Variants in SSBP3 observed in about 807,000 individuals in gnomAD.
SSBP3 encodes the protein single stranded DNA binding protein 3.
Under a neutral mutation model 69.6 loss-of-function variants are expected in SSBP3, and 5 were observed. The observed-to-expected ratio is 0.07, with a 90% CI of 0.04 to 0.15. SSBP3 has a LOEUF of 0.15. SSBP3 is among the 10% of genes least tolerant of loss of function. SSBP3 has a pLI of 1.00. For synonymous variants in SSBP3, 196 were observed against 193.4 expected, an observed-to-expected ratio of 1.01 and a Z score of -0.11; for missense variants, 312 against 534.0, an observed-to-expected ratio of 0.58 and a Z score of 4.10.
chr1:54,323,716 G>A (rs904640933), intron 4 of SSBP3, among the ~76,000 whole-genome samples: 1 of 152,202 alleles, frequency 6.6e-6, no homozygotes, highest in Non-Finnish European at 1.5e-5. Context: ...CACCTATCTG[G>A]AGGTGGAAAG....
In SSBP3 at chr1:54,239,116, A is replaced by T. The variant is rs1181001843; in HGVS notation, c.927+13T>A. The T allele has an allele frequency of 7.5e-6, 12 of 1,610,176 alleles. No homozygotes were observed. The highest frequency in any genetic ancestry group is 1.0e-5 in the Non-Finnish European group (12 of 1,176,608). ...TGGTGTCTGATATGTAAATTATTAGAAAGCAGACTTACGTTGGACCGGCTG... is the reference window on the plus strand; with the variant it reads ...TGGTGTCTGATATGTAAATTATTAGTAAGCAGACTTACGTTGGACCGGCTG... On this transcript the variant is annotated intron_variant, in intron 14 of 17. Transcript: ENST00000610401.
intron 9 of SSBP3, among the ~76,000 whole-genome samples, chr1:54,248,614 C>CA (rs1221661891): frequency 2.6e-5 from 4 of 152,170 alleles, no homozygotes; most frequent in African/African-American, 4.8e-5. Context: ...CCCTCCACCT[C>CA]AGAGTCCCAA....
At chr1:54,382,298 C>T (rs1043385536) in intron 4 of SSBP3, among the ~76,000 whole-genome samples, 21 of 152,200 alleles carry the variant, frequency 1.4e-4, no homozygotes, top group African/African-American at 5.1e-4. Context: ...TGGTCTTGAA[C>T]TCCTAGGCTC....
chr1:54,243,467 C>A, intron 9 of SSBP3, 168 bp from the exon 10 acceptor site: 1 of 731,184 alleles, frequency 1.4e-6, no homozygotes, highest in Non-Finnish European at 2.3e-6. Context: ...GGAACCAAGT[C>A]ACAGGGACCA....
chr1:54,281,409 A>G (rs1377023124), intron 5 of SSBP3, 29 bp downstream of exon 5: 6 of 1,530,822 alleles, frequency 3.9e-6, no homozygotes, highest in Admixed American at 2.0e-5. Context: ...TACAAGGTGG[A>G]GCACAAGACC....
intron 4 of SSBP3, among the ~76,000 whole-genome samples, chr1:54,343,245 G>A (rs984696626): frequency 6.6e-6 from 1 of 152,132 alleles, no homozygotes; most frequent in African/African-American, 2.4e-5. Flanking sequence ...CAGGTGTTTG[G>A]CATGTGTTCT....
chr1:54,368,230 G>A (rs977269364), intron 4 of SSBP3, among the ~76,000 whole-genome samples: 5 of 150,358 alleles, frequency 3.3e-5, no homozygotes, highest in South Asian at 2.1e-4. Context: ...CCCGGGAGGC[G>A]GAGCTTGCAG....
chr1:54,385,331 C>T (rs1319899953), intron 4 of SSBP3, among the ~76,000 whole-genome samples: 1 of 152,188 alleles, frequency 6.6e-6, no homozygotes, highest in African/African-American at 2.4e-5. Flanking sequence ...CTCACCCCTG[C>T]TCCCCACCAA....
intron 4 of SSBP3, among the ~76,000 whole-genome samples, chr1:54,359,112 C>G (rs146784355): frequency 6.8e-6 from 1 of 147,572 alleles, no homozygotes; most frequent in African/African-American, 2.5e-5. Context: ...CAAAACAGAA[C>G]AGAGGCTATT....
chr1:54,241,329 G>A, intron 12 of SSBP3, 145 bp downstream of exon 12: 2 of 978,692 alleles, frequency 2.0e-6, no homozygotes, highest in Admixed American at 1.8e-5. Context: ...ACAGATGACT[G>A]AATATTGACA....
At chr1:54,287,239 T>A (rs1175993028) in intron 4 of SSBP3, 1 of 152,252 alleles carries the variant, frequency 6.6e-6, no homozygotes. Flanking sequence ...CAACCCCTCC[T>A]GACTGATTTA....
chr1:54,286,142 C>G (rs1303620885), intron 4 of SSBP3, among the ~76,000 whole-genome samples: 1 of 152,106 alleles, frequency 6.6e-6, no homozygotes, highest in Non-Finnish European at 1.5e-5. Context: ...ACCGAGAGAC[C>G]TGTTATCTGA....
At chr1:54,396,648 CCTCT>C (rs1472633797) in intron 4 of SSBP3, among the ~76,000 whole-genome samples, 3 of 152,102 alleles carry the variant, frequency 2.0e-5, no homozygotes, top group African/African-American at 4.8e-5. Context: ...CTCCCAGCTC[CCTCT>C]GAGTGCTGGC....
chr1:54,297,372 G>A (rs761213997), intron 4 of SSBP3, among the ~76,000 whole-genome samples: 4 of 152,242 alleles, frequency 2.6e-5, no homozygotes, highest in Non-Finnish European at 5.9e-5. Flanking sequence ...GCTCACGCCT[G>A]TAATCCCGGC....
chr1:54,239,097 C>T (rs1644557516), intron 14 of SSBP3, 32 bp downstream of exon 14: 2 of 1,575,640 alleles, frequency 1.3e-6, no homozygotes, highest in Admixed American at 1.7e-5. Flanking sequence ...GTTATGGTGT[C>T]TGATATGTAA....
intron 14 of SSBP3, 189 bp downstream of exon 14, chr1:54,238,940 C>CAAAA: frequency 2.5e-6 from 1 of 392,986 alleles, no homozygotes; most frequent in Non-Finnish European, 5.1e-6. Context: ...CCCTTCCTCT[C>CAAAA]CCACCCCCTG....
At chr1:54,291,710 G>T (rs1224766143) in intron 4 of SSBP3, among the ~76,000 whole-genome samples, 2 of 152,174 alleles carry the variant, frequency 1.3e-5, no homozygotes, top group African/African-American at 4.8e-5. Context: ...CTGCTCAGAG[G>T]GTTTAGCAAA....
In SSBP3 at chr1:54,232,741, C is replaced by T. The variant is rs558837544; in HGVS notation, c.928-3915G>A. Among the ~76,000 whole-genome samples, 16 of 152,234 alleles carry T rather than the reference C, an allele frequency of 1.1e-4. No individual in the cohort carries two copies. The South Asian group carries it at 2.5e-3, about 24-fold the overall frequency. The stretch of plus-strand genomic sequence containing the variant: ...CCGAGTGCCTGCGATTGCAGGCACG[C>T]GCCGCCACGCCTGACTGGTTTTGGT... On this transcript the variant is annotated intron_variant, in intron 14 of 17. Coordinates refer to ENST00000610401, the Ensembl canonical transcript of SSBP3.
At chr1:54,363,050 GC>G (rs1438513673) in intron 4 of SSBP3, among the ~76,000 whole-genome samples, 1 of 152,012 alleles carries the variant, frequency 6.6e-6, no homozygotes, top group Admixed American at 6.6e-5. Context: ...AGTCCTCCCA[GC>G]CTCCATCAGT....
Sources: gnomAD v4.1 joint callset for allele counts (sites outside exome capture counted in the v4.1 genomes callset) on GRCh38, gnomAD v4.1.1 for gene constraint, MANE v1.5 for transcripts, NCBI Gene and HGNC (gene_info 2026-07-23, HGNC 2026-07-21) for gene names.